HTT: variants seen among roughly 807,000 people sequenced by gnomAD.
HTT encodes the protein huntingtin, also known as huntington disease protein.
Under a neutral mutation model 362.3 loss-of-function variants are expected in HTT, and 104 were observed. The observed-to-expected ratio is 0.29, with a 90% CI of 0.24 to 0.34. The LOEUF is 0.34. Ranked by LOEUF, HTT falls within the 10% of genes least tolerant of loss-of-function variation. The pLI is 1.00. For missense variants in HTT, 3,301 were observed against 3,928.6 expected, an observed-to-expected ratio of 0.84 and a Z score of 4.27; for synonymous variants, 1,577 against 1,548.7, an observed-to-expected ratio of 1.02 and a Z score of -0.43.
At chr4:3,102,561 C>T (rs1714208573) in intron 3 of HTT, among the ~76,000 whole-genome samples, 1 of 152,200 alleles carries the variant, frequency 6.6e-6, no homozygotes. Flanking sequence ...CAGAATTTCC[C>T]AGAATGTGAT....
chr4:3,082,724 G>A (rs1712981472), intron 1 of HTT, among the ~76,000 whole-genome samples: 2 of 152,196 alleles, frequency 1.3e-5, no homozygotes, highest in South Asian at 4.1e-4. Context: ...TTGGGAGGAA[G>A]ACCTGTGTTG....
At chr4:3,186,324 CTT>C (rs1718754798) in intron 37 of HTT, among the ~76,000 whole-genome samples, 1 of 151,924 alleles carries the variant, frequency 6.6e-6, no homozygotes, top group African/African-American at 2.4e-5. Flanking sequence ...TTTTTTCACA[CTT>C]TTGTATATTT....
At chr4:3,122,799 T>C in intron 9 of HTT, 90 bp from the exon 10 acceptor site, 1 of 1,031,414 alleles carries the variant, frequency 9.7e-7, no homozygotes. Flanking sequence ...TCTCTAGTTT[T>C]AAAGTTGAAT....
Position 3,136,402 on chromosome 4 carries a change from G to A in HTT, c.2798+76G>A, listed in dbSNP as rs1016831312. 3.7e-5 allele frequency: 27 copies of A among 720,420 alleles called. No individual in the cohort carries two copies. In the Admixed American group the frequency reaches 6.1e-4, roughly 16 times the overall value. The allele number at this position is 720,420 out of a possible 1,614,324, so 44.6% of individuals were successfully genotyped here. On this transcript the variant is annotated intron_variant, in intron 21 of 66. Coordinates refer to ENST00000355072, the MANE Select transcript of HTT (RefSeq NM_001388492.1). ...GATACGAGAATGGAAAGAGAGGGAA[G>A]AATTCAAAGGATGTAGAGCAGTATT...
In HTT at chr4:3,131,405, C is replaced by A. The variant is rs759906512; in HGVS notation, c.2098+8C>A. The A allele has an allele frequency of 1.3e-6, 2 of 1,596,970 alleles. No individual in the cohort carries two copies. Among genetic ancestry groups the A allele is most frequent in the Non-Finnish European group, 1.7e-6 (2 of 1,164,536 alleles). On this transcript the variant is annotated splice_region_variant and intron_variant, in intron 15 of 66. Transcript: ENST00000355072. ...TAACAGGGGGAAAAAATGGTGAGTA[C>A]AAAAGGGGATGTGCACAGTTGAAGG...
At chr4:3,197,097 T>C (rs148208520) in intron 40 of HTT, among the ~76,000 whole-genome samples, 2 of 152,302 alleles carry the variant, frequency 1.3e-5, no homozygotes, top group African/African-American at 2.4e-5. Flanking sequence ...TGCCCTCTTG[T>C]CACTCAGTAG....
chr4:3,202,454 C>T (rs970822530), intron 41 of HTT, among the ~76,000 whole-genome samples: 3 of 152,188 alleles, frequency 2.0e-5, no homozygotes, highest in Non-Finnish European at 4.4e-5. Flanking sequence ...AGTCACACTG[C>T]GCTGGCAGGA....
intron 20 of HTT, 29 bp downstream of exon 20, chr4:3,135,996 T>C (rs763946570): frequency 2.0e-5 from 30 of 1,506,754 alleles, no homozygotes; most frequent in Non-Finnish European, 2.7e-5. Flanking sequence ...TGAGATGCTG[T>C]TTTACCTTCA....
chr4:3,107,408 T>C lies in HTT; in HGVS notation c.732T>C (p.Asn244=), dbSNP rs1306924241. ...TGGCTTCTTTTGGCAATTTTGCAAATGACAATGAAATTAAGGTATGATTGT... is the reference window on the plus strand; with the variant it reads ...TGGCTTCTTTTGGCAATTTTGCAAACGACAATGAAATTAAGGTATGATTGT... ...KIMASFGNFA[N]DNEIKVLLKA... is the part of the protein sequence containing the mutation. Residue 244 remains asparagine (N), a synonymous_variant, in exon 6 of 67, where the codon AAT becomes AAC. Coordinates refer to ENST00000355072, the MANE Select transcript of HTT (RefSeq NM_001388492.1). 3.1e-6 allele frequency: 5 copies of C among 1,614,084 alleles called. No homozygotes were observed. The highest frequency in any genetic ancestry group is 3.4e-6 in the Non-Finnish European group (4 of 1,180,034).
At chr4:3,185,228 G>A (rs59742632) in intron 37 of HTT, among the ~76,000 whole-genome samples, 2,264 of 152,302 alleles carry the variant, frequency 0.015, 51 homozygotes, top group African/African-American at 0.052. Context: ...AGAAGCAACA[G>A]GGAGGATCAG....
intron 6 of HTT, among the ~76,000 whole-genome samples, chr4:3,111,452 C>T (rs958279556): frequency 7.2e-5 from 11 of 152,100 alleles, no homozygotes; most frequent in African/African-American, 2.4e-4. Context: ...CCTTGGCCTC[C>T]GAAAGTGCCG....
intron 2 of HTT, among the ~76,000 whole-genome samples, chr4:3,097,787 C>T (rs1270120933): frequency 1.3e-5 from 2 of 152,134 alleles, no homozygotes; most frequent in Non-Finnish European, 1.5e-5. Flanking sequence ...CTGATTAGCC[C>T]TATATCTATT....
chr4:3,105,585 T>C (rs1714382804), intron 5 of HTT, 149 bp downstream of exon 5: 1 of 646,318 alleles, frequency 1.5e-6, no homozygotes. Context: ...CTCATAGCAC[T>C]AATCCATGTC....
chr4:3,197,010 G>A (rs1308991246), intron 40 of HTT, among the ~76,000 whole-genome samples: 1 of 152,106 alleles, frequency 6.6e-6, no homozygotes, highest in Non-Finnish European at 1.5e-5. Context: ...TACTAAAAAG[G>A]CCTTTGCAGA....
chr4:3,220,329 T>C, intron 53 of HTT, 21 bp downstream of exon 53: 1 of 1,604,550 alleles, frequency 6.2e-7, no homozygotes. Flanking sequence ...GGCCTCTCCT[T>C]CAGGTCACCA....
chr4:3,099,239 C>T, intron 2 of HTT, 35 bp from the exon 3 acceptor site: 7 of 1,457,444 alleles, frequency 4.8e-6, no homozygotes, highest in Non-Finnish European at 6.7e-6. Context: ...TCACCTTAGG[C>T]TCCTCTTGAC....
At chr4:3,217,705 T>A in intron 51 of HTT, 60 bp from the exon 52 acceptor site, 1 of 1,424,730 alleles carries the variant, frequency 7.0e-7, no homozygotes, top group Non-Finnish European at 9.7e-7. Context: ...TCATGCTTTC[T>A]ACACTGGGCA....
intron 4 of HTT, among the ~76,000 whole-genome samples, chr4:3,104,729 A>G (rs890137165): frequency 2.0e-5 from 3 of 152,134 alleles, no homozygotes; most frequent in Admixed American, 6.5e-5. Context: ...CATGGGCAAC[A>G]TGGCAAAACG....
At chr4:3,216,221 C>T (rs1270742814) in intron 51 of HTT, among the ~76,000 whole-genome samples, 1 of 152,178 alleles carries the variant, frequency 6.6e-6, no homozygotes, top group Non-Finnish European at 1.5e-5. Flanking sequence ...GAGAATGACC[C>T]AGAAGCAATG....
Sources: gnomAD v4.1 joint callset for allele counts (sites outside exome capture counted in the v4.1 genomes callset) on GRCh38, gnomAD v4.1.1 for gene constraint, MANE v1.5 for transcripts, NCBI Gene and HGNC (gene_info 2026-07-23, HGNC 2026-07-21) for gene names.